The following LARGE1 variants were observed in gnomAD, a reference collection of about 807,000 sequenced individuals.
The protein encoded by LARGE1 is LARGE xylosyl- and glucuronyltransferase 1, also known as xylosyl- and glucuronyltransferase LARGE1.
Under a neutral mutation model 87.6 loss-of-function variants are expected in LARGE1, and 43 were observed. The observed-to-expected ratio is 0.49, with a 90% confidence interval of 0.38 to 0.63. The LOEUF is 0.63. Among genes scored for constraint, LARGE1 ranks in the 30% least tolerant of loss-of-function variants. LARGE1 has a pLI of 0.00. For missense variants in LARGE1, 802 were observed against 1,000.2 expected (o/e 0.80, Z 2.67); for synonymous variants, 434 against 394.6 (o/e 1.10, Z -1.18).
intron 3 of LARGE1, among the ~76,000 whole-genome samples, chr22:33,630,854 ATCTCT>A (rs1373258332): frequency 6.8e-6 from 1 of 147,782 alleles, no homozygotes; most frequent in African/African-American, 2.7e-5. Context: ...TTTTTTAACT[ATCTCT>A]TTTTTTTTTT....
intron 11 of LARGE1, among the ~76,000 whole-genome samples, chr22:33,218,018 C>T (rs372425841): frequency 5.3e-5 from 8 of 152,146 alleles, no homozygotes; most frequent in Admixed American, 1.3e-4. Context: ...TAGCCTCTGC[C>T]TCCCAGGTTC....
At chr22:33,806,559 TCTC>T (rs2086315907) in intron 1 of LARGE1, among the ~76,000 whole-genome samples, 1 of 152,128 alleles carries the variant, frequency 6.6e-6, no homozygotes, top group Non-Finnish European at 1.5e-5. Flanking sequence ...CAATGTGACA[TCTC>T]CTCAACTATA....
intron 6 of LARGE1, among the ~76,000 whole-genome samples, chr22:33,516,913 CCT>C (rs773519931): frequency 8.5e-5 from 13 of 152,118 alleles, no homozygotes; most frequent in African/African-American, 1.2e-4. Context: ...ACCTCTGTCC[CCT>C]GTTTACTAGA....
chr22:33,722,547 G>A (rs1220318044), intron 2 of LARGE1, among the ~76,000 whole-genome samples: 1 of 152,162 alleles, frequency 6.6e-6, no homozygotes, highest in Non-Finnish European at 1.5e-5. Flanking sequence ...CCTATGATGT[G>A]CATGGAACCG....
Position 33,916,829 on chromosome 22 carries a change from T to C in LARGE1, c.-83+3166A>G, listed in dbSNP as rs185127098. On this transcript the variant is annotated intron_variant, in intron 1 of 14. Transcript: ENST00000397394. ...CATGTCTCAGGATGACAGCATATAT[T>C]CTCCACAGGATCGGTCTTCAATCGT... Among the ~76,000 whole-genome samples the C allele has an allele frequency of 3.5e-3, 539 of 152,316 alleles. 5 individuals are homozygous for C. Among genetic ancestry groups the C allele is most frequent in the African/African-American group, 0.012 (499 of 41,556 alleles).
Position 33,171,070 on chromosome 22 carries a change from T to C in LARGE1, c.1731-4238A>G, listed in dbSNP as rs186606423. ...GGAGCAAAGGTCACTCTTGCTATGC[T>C]TTAGTAAAGCAACTGGCAGGATTTT... On this transcript the variant is annotated intron_variant, in intron 11 of 11. Transcript: ENST00000608642. Among the ~76,000 whole-genome samples the C allele has an allele frequency of 2.1e-3, 317 of 152,330 alleles. 2 individuals carry two copies. The highest frequency in any genetic ancestry group is 1.6e-3 in the Non-Finnish European group (110 of 68,028).
intron 1 of LARGE1, among the ~76,000 whole-genome samples, chr22:33,782,322 G>A (rs2085448713): frequency 2.6e-5 from 4 of 152,162 alleles, no homozygotes; most frequent in Admixed American, 2.6e-4. Context: ...TGGTTATCAG[G>A]AGCTAGAATA....
At chr22:33,880,641 G>A (rs758758448) in intron 1 of LARGE1, among the ~76,000 whole-genome samples, 5 of 152,138 alleles carry the variant, frequency 3.3e-5, no homozygotes, top group Non-Finnish European at 5.9e-5. Context: ...CAAATGATGT[G>A]TTCTTTCCTC....
intron 1 of LARGE1, among the ~76,000 whole-genome samples, chr22:33,885,829 G>C (rs543798684): frequency 6.6e-6 from 1 of 151,918 alleles, no homozygotes; most frequent in Non-Finnish European, 1.5e-5. Context: ...CCAGGAGTTC[G>C]AGACCAGCCT....
At chr22:33,474,451 C>T (rs2068986006) in intron 6 of LARGE1, among the ~76,000 whole-genome samples, 1 of 152,372 alleles carries the variant, frequency 6.6e-6, no homozygotes, top group South Asian at 2.1e-4. Context: ...GCATGAGCCA[C>T]TGTGCCCGGC....
intron 1 of LARGE1, among the ~76,000 whole-genome samples, chr22:33,843,024 T>C (rs1420619897): frequency 6.6e-6 from 1 of 152,172 alleles, no homozygotes; most frequent in African/African-American, 2.4e-5. Context: ...GTCCTGTCTA[T>C]GTTGTTCACG....
At chr22:33,516,267 T>C (rs1381185738) in intron 6 of LARGE1, among the ~76,000 whole-genome samples, 1 of 151,940 alleles carries the variant, frequency 6.6e-6, no homozygotes, top group Non-Finnish European at 1.5e-5. Flanking sequence ...GATGTGTGCC[T>C]GGTGTGACGA....
At chr22:33,761,603 A>C (rs2084733171) in intron 1 of LARGE1, 45 bp from the exon 2 acceptor site, 2 of 749,696 alleles carry the variant, frequency 2.7e-6, no homozygotes, top group Non-Finnish European at 4.8e-6. Flanking sequence ...TTAGCACTGG[A>C]GATGGGTGTA....
At chr22:33,524,443 T>C (rs1012770735) in intron 6 of LARGE1, among the ~76,000 whole-genome samples, 3 of 151,960 alleles carry the variant, frequency 2.0e-5, no homozygotes, top group Non-Finnish European at 4.4e-5. Flanking sequence ...CTCTAATAAG[T>C]TTCTTAGTAC....
At chr22:33,752,063 T>C (rs1354441441) in intron 2 of LARGE1, among the ~76,000 whole-genome samples, 2 of 152,216 alleles carry the variant, frequency 1.3e-5, no homozygotes. Flanking sequence ...ATTACAGGCG[T>C]GAGCCACCAC....
At chr22:33,509,641 AG>A (rs2070955610) in intron 6 of LARGE1, among the ~76,000 whole-genome samples, 1 of 151,920 alleles carries the variant, frequency 6.6e-6, no homozygotes, top group African/African-American at 2.4e-5. Context: ...TGGTACAGAT[AG>A]GGTCTTGCTA....
chr22:33,768,048 G>A (rs772035023), intron 1 of LARGE1, among the ~76,000 whole-genome samples: 6 of 152,202 alleles, frequency 3.9e-5, no homozygotes, highest in African/African-American at 1.2e-4. Context: ...GGTGGCTGAC[G>A]CCTGTAATCC....
chr22:33,848,592 C>T lies in LARGE1; in HGVS notation c.-83+71403G>A, dbSNP rs545625110. The stretch of plus-strand genomic sequence containing the variant: ...GGAAGGAGGGCTCTTCCTGAAGCCG[C>T]GTTGTGCCAAAGATGCCCCACGCTC... On this transcript the variant is annotated intron_variant, in intron 1 of 14. Transcript: ENST00000397394. Among the ~76,000 whole-genome samples the T allele has an allele frequency of 4.6e-5, 7 of 152,228 alleles. No homozygotes were observed. In the East Asian group the frequency reaches 5.8e-4, roughly 13 times the overall value.
At chr22:33,522,432 C>T (rs773900020) in intron 6 of LARGE1, among the ~76,000 whole-genome samples, 9 of 152,142 alleles carry the variant, frequency 5.9e-5, no homozygotes, top group Non-Finnish European at 1.5e-5. Context: ...CTGGTGCATG[C>T]CTGTAATCCC....
Sources: allele counts gnomAD v4.1 joint callset (sites outside exome capture counted in the v4.1 genomes callset), GRCh38; gene constraint gnomAD v4.1.1; transcripts MANE v1.5; gene names NCBI Gene and HGNC (gene_info 2026-07-23, HGNC 2026-07-21).